DHX35: variants seen among roughly 807,000 people sequenced by gnomAD.
DHX35 encodes probable ATP-dependent RNA helicase DHX35.
DHX35 carries 84 observed loss-of-function variants against 99.6 expected under a neutral mutation model. The ratio of observed to expected loss-of-function variants is 0.84; its 90% confidence interval spans 0.71 to 1.01. The LOEUF is 1.01. Among genes scored for constraint, DHX35 ranks in the 50% least tolerant of loss-of-function variants. The pLI, the probability that DHX35 is intolerant of heterozygous loss-of-function variation, is 0.00. For missense variants in DHX35, 852 were observed against 888.5 expected (o/e 0.96, Z 0.52); for synonymous variants, 331 against 316.2 (o/e 1.05, Z -0.50).
intron 8 of DHX35, 61 bp from the exon 9 acceptor site, chr20:39,001,669 C>A: frequency 7.5e-7 from 1 of 1,325,322 alleles, no homozygotes; most frequent in Non-Finnish European, 1.1e-6. Context: ...TTTTTCTTTC[C>A]ATGAATCGCT....
chr20:39,015,522 T>C (rs1430944750), intron 14 of DHX35, among the ~76,000 whole-genome samples: 3 of 152,204 alleles, frequency 2.0e-5, no homozygotes, highest in African/African-American at 7.2e-5. Flanking sequence ...TATCTTGACA[T>C]AGAGAAAATC....
intron 7 of DHX35, 51 bp from the exon 8 acceptor site, chr20:38,994,770 A>T: frequency 6.8e-7 from 1 of 1,462,902 alleles, no homozygotes; most frequent in Non-Finnish European, 9.6e-7. Flanking sequence ...AAATGATCTC[A>T]TCCATAAGTG....
At chr20:38,980,014 G>C (rs1391482641) in intron 3 of DHX35, among the ~76,000 whole-genome samples, 3 of 152,128 alleles carry the variant, frequency 2.0e-5, no homozygotes. Context: ...ATGGACTTCA[G>C]CTACGTTTTA....
chr20:39,006,111 A>C (rs1266633947), intron 11 of DHX35, 35 bp from the exon 12 acceptor site: 1 of 1,594,924 alleles, frequency 6.3e-7, no homozygotes, highest in Admixed American at 1.7e-5. Context: ...AAAAGAATAA[A>C]ATGAGTTTTA....
At chr20:39,019,211 T>A (rs1398885704) in intron 15 of DHX35, among the ~76,000 whole-genome samples, 1 of 152,186 alleles carries the variant, frequency 6.6e-6, no homozygotes, top group Non-Finnish European at 1.5e-5. Context: ...CCACCACTAC[T>A]TTCTGTCTCT....
chr20:38,971,408 A>G (rs183703727), intron 2 of DHX35, among the ~76,000 whole-genome samples: 308 of 152,310 alleles, frequency 2.0e-3, no homozygotes, highest in African/African-American at 7.1e-3. Context: ...AGATTGTTAA[A>G]GATCACTGCC....
intron 7 of DHX35, among the ~76,000 whole-genome samples, chr20:38,994,470 T>C (rs1568731793): frequency 6.6e-6 from 1 of 152,134 alleles, no homozygotes; most frequent in Non-Finnish European, 1.5e-5. Flanking sequence ...TTTTCATACA[T>C]AGATTCAAAC....
rs56943073 is a variant in DHX35, at chr20:39,034,389, T to C, written c.2067+72T>C. 4.3e-3 allele frequency: 5,726 copies of C among 1,340,834 alleles called. 195 individuals are homozygous for C. The African/African-American group carries it at 0.071, about 17-fold the overall frequency. 83.1% of individuals were successfully genotyped at this position (1,340,834 alleles called of 1,614,324 possible). ...TCCATGTTTTTAAATGTACTTTTTT[T>C]CTCCAATTTAATGCCCTATGTGTGT... On this transcript the variant is annotated intron_variant, in intron 21 of 21. Transcript: ENST00000252011.
chr20:39,029,570 A>C (rs1266048311), intron 19 of DHX35: 2 of 151,456 alleles, frequency 1.3e-5, no homozygotes, highest in Non-Finnish European at 2.9e-5. Context: ...TCACCTCCCC[A>C]CCCTGAGTTG....
intron 14 of DHX35, among the ~76,000 whole-genome samples, chr20:39,018,191 A>G (rs1242417206): frequency 6.6e-6 from 1 of 152,160 alleles, no homozygotes; most frequent in African/African-American, 2.4e-5. Context: ...GCCAAACCAT[A>G]TCACTCATTT....
At chr20:38,979,150 A>G (rs2086130669) in intron 3 of DHX35, among the ~76,000 whole-genome samples, 1 of 151,898 alleles carries the variant, frequency 6.6e-6, no homozygotes, top group Admixed American at 6.6e-5. Context: ...TTTTTCACAT[A>G]ATGTATTGTT....
intron 8 of DHX35, 68 bp downstream of exon 8, chr20:38,994,948 T>C: frequency 7.2e-7 from 1 of 1,390,838 alleles, no homozygotes; most frequent in Non-Finnish European, 1.0e-6. Context: ...CCTTGGGAAG[T>C]TACCTCTAGC....
intron 17 of DHX35, among the ~76,000 whole-genome samples, chr20:39,024,556 T>G (rs1290161447): frequency 6.6e-6 from 1 of 152,242 alleles, no homozygotes; most frequent in East Asian, 1.9e-4. Context: ...ACAGGCACAA[T>G]GTATCATCTG....
intron 21 of DHX35, among the ~76,000 whole-genome samples, chr20:39,037,419 A>G (rs773860418): frequency 1.3e-5 from 2 of 152,194 alleles, no homozygotes; most frequent in Non-Finnish European, 2.9e-5. Context: ...AAGCAGATGG[A>G]AAGTCTGAGT....
chr20:38,965,265 C>T (rs1204741689), intron 1 of DHX35, among the ~76,000 whole-genome samples: 1 of 152,198 alleles, frequency 6.6e-6, no homozygotes, highest in African/African-American at 2.4e-5. Flanking sequence ...ATTAAACAGT[C>T]ACAGTATCTC....
At chr20:38,974,677 A>T (rs1273276495) in intron 3 of DHX35, among the ~76,000 whole-genome samples, 1 of 152,226 alleles carries the variant, frequency 6.6e-6, no homozygotes, top group East Asian at 1.9e-4. Flanking sequence ...GAACATCCTG[A>T]TACATGCAGG....
rs150547968 is a variant in DHX35 at position 38,972,682 on chromosome 20, C to T, written c.267+31C>T. 1.2e-3 allele frequency: 1,838 copies of T among 1,496,026 alleles called. 18 individuals carry two copies. In the African/African-American group the frequency reaches 0.023, roughly 18 times the overall value. 92.7% of individuals were successfully genotyped at this position (1,496,026 alleles called of 1,614,324 possible). On this transcript the variant is annotated intron_variant, in intron 3 of 21. Coordinates refer to ENST00000252011, the MANE Select transcript of DHX35 (RefSeq NM_021931.4). ...TACATATTTAATAAGTGTCTTTACA[C>T]TTCGATTTGGCTGGAAGAATTTTGT...
chr20:39,012,783 G>A (rs1329518666), intron 13 of DHX35, among the ~76,000 whole-genome samples: 1 of 152,176 alleles, frequency 6.6e-6, no homozygotes, highest in Non-Finnish European at 1.5e-5. Context: ...TGCCCACCTT[G>A]GCCTCCCAAA....
chr20:39,007,645 G>A (rs1402789329), intron 12 of DHX35, among the ~76,000 whole-genome samples: 1 of 152,190 alleles, frequency 6.6e-6, no homozygotes, highest in Non-Finnish European at 1.5e-5. Context: ...AGGCGAAGAG[G>A]TGATTGGGGA....
Sources: gnomAD v4.1 joint callset for allele counts (sites outside exome capture counted in the v4.1 genomes callset) on GRCh38, gnomAD v4.1.1 for gene constraint, MANE v1.5 for transcripts, NCBI Gene and HGNC (gene_info 2026-07-23, HGNC 2026-07-21) for gene names.